Variants in COL11A1 observed in about 807,000 individuals in gnomAD.
COL11A1 encodes collagen alpha-1(XI) chain.
COL11A1 carries 74 observed loss-of-function variants against 265.2 expected under a neutral mutation model. The ratio of observed to expected loss-of-function variants is 0.28; its 90% CI spans 0.23 to 0.34. The LOEUF (loss-of-function observed/expected upper bound fraction) is 0.34. Among genes scored for constraint, COL11A1 ranks in the 10% least tolerant of loss-of-function variants. The pLI, the probability that COL11A1 is intolerant of heterozygous loss-of-function variation, is 1.00. For missense variants in COL11A1, 2,165 were observed against 2,263.6 expected, an observed-to-expected ratio of 0.96 and a Z score of 0.88; for synonymous variants, 816 against 727.6, an observed-to-expected ratio of 1.12 and a Z score of -1.96.
chr1:102,979,599 T>G, intron 31 of COL11A1, 164 bp from the exon 32 acceptor site: 1 of 704,620 alleles, frequency 1.4e-6, no homozygotes, highest in South Asian at 1.5e-5. Flanking sequence ...GAACTTACAA[T>G]GACATCTGAA....
chr1:103,064,689 C>T (rs1241014268), intron 4 of COL11A1, among the ~76,000 whole-genome samples: 1 of 42,850 alleles, frequency 2.3e-5, no homozygotes, highest in East Asian at 7.2e-4. Context: ...GACTCCATCT[C>T]AAAAAAAAAA....
intron 4 of COL11A1, among the ~76,000 whole-genome samples, chr1:103,052,199 CT>C (rs1558001619): frequency 1.3e-5 from 2 of 151,796 alleles, no homozygotes; most frequent in Non-Finnish European, 2.9e-5. Flanking sequence ...TTCATGTTTT[CT>C]TTTTTTTAAG....
At chr1:102,894,129 A>G (rs1474531045) in intron 57 of COL11A1, among the ~76,000 whole-genome samples, 1 of 152,222 alleles carries the variant, frequency 6.6e-6, no homozygotes, top group Non-Finnish European at 1.5e-5. Context: ...GACAGATGTT[A>G]ATTCTGACTT....
intron 25 of COL11A1, 138 bp from the exon 26 acceptor site, chr1:102,997,262 G>C (rs1218168538): frequency 6.2e-6 from 5 of 806,594 alleles, no homozygotes; most frequent in Non-Finnish European, 1.1e-5. Flanking sequence ...TTTTGCATCA[G>C]TGTGTATGGC....
Position 102,936,672 on chromosome 1 carries a change from A to G in COL11A1, c.3439-1559T>C, listed in dbSNP as rs189272009. ...ACACTTTGAGGACCTTACCCAGGAA[A>G]TCAATAATTTCCAAATTATCAATGA... On this transcript the variant is annotated intron_variant, in intron 44 of 66. Transcript: ENST00000370096. Among the ~76,000 whole-genome samples, 709 of 152,308 alleles carry G rather than the reference A, an allele frequency of 4.7e-3. 10 individuals carry two copies. Among genetic ancestry groups the G allele is most frequent in the African/African-American group, 0.017 (689 of 41,572 alleles).
intron 54 of COL11A1, among the ~76,000 whole-genome samples, chr1:102,901,539 G>A (rs8179334): frequency 0.12 from 18,074 of 151,908 alleles, 1,227 homozygotes; most frequent in East Asian, 0.22. Context: ...GAATGCCTAC[G>A]GACAAATTGT....
intron 38 of COL11A1, among the ~76,000 whole-genome samples, chr1:102,964,102 G>A (rs2101585927): frequency 6.6e-6 from 1 of 151,912 alleles, no homozygotes; most frequent in African/African-American, 2.4e-5. Context: ...AGAGGGGAAC[G>A]AAAAAAGAAC....
chr1:103,037,177 G>T (rs990522197), intron 4 of COL11A1, among the ~76,000 whole-genome samples: 1 of 149,570 alleles, frequency 6.7e-6, no homozygotes, highest in Admixed American at 6.7e-5. Context: ...ATAAGGCATA[G>T]CTGTTTCAAT....
intron 59 of COL11A1, 91 bp downstream of exon 59, chr1:102,889,364 T>G (rs531716806): frequency 5.9e-6 from 5 of 845,354 alleles, no homozygotes; most frequent in Non-Finnish European, 9.7e-6. Flanking sequence ...AAATTCTTTC[T>G]TTGATCATAC....
intron 4 of COL11A1, among the ~76,000 whole-genome samples, chr1:103,032,700 CTT>C (rs1410919956): frequency 1.3e-4 from 20 of 151,960 alleles, no homozygotes; most frequent in African/African-American, 4.8e-4. Flanking sequence ...GTGGTTGGCA[CTT>C]ATTTTTATTT....
chr1:102,885,441 C>G (rs1459835794), intron 63 of COL11A1, among the ~76,000 whole-genome samples: 4 of 152,054 alleles, frequency 2.6e-5, no homozygotes, highest in Admixed American at 6.6e-5. Flanking sequence ...AATTGCTTAT[C>G]TTGGTGCTGG....
intron 42 of COL11A1, among the ~76,000 whole-genome samples, chr1:102,942,651 T>C (rs2101342612): frequency 6.6e-6 from 1 of 152,240 alleles, no homozygotes; most frequent in South Asian, 2.1e-4. Context: ...GTCTTATATT[T>C]AACCTATACT....
chr1:102,945,213 G>T (rs188343400), intron 42 of COL11A1, among the ~76,000 whole-genome samples: 1 of 151,090 alleles, frequency 6.6e-6, no homozygotes, highest in East Asian at 2.0e-4. Flanking sequence ...GCATTAGTGG[G>T]TTCATTAAAA....
chr1:102,980,319 A>C (rs541164954), intron 31 of COL11A1, among the ~76,000 whole-genome samples: 1 of 152,258 alleles, frequency 6.6e-6, no homozygotes, highest in South Asian at 2.1e-4. Flanking sequence ...GGAATACAAT[A>C]TAATCCCCAA....
In COL11A1 at chr1:102,929,949, G is replaced by A. The variant is rs1420355294; in HGVS notation, c.3600+4500C>T. The stretch of plus-strand genomic sequence containing the variant: ...TTTTAGTACATTGATTTTGTATCCT[G>A]AGACTTTGCTAAAGTTGCTTATCAG... On this transcript the variant is annotated intron_variant, in intron 46 of 66. Coordinates refer to ENST00000370096, the MANE Select transcript of COL11A1 (RefSeq NM_001854.4). Among the ~76,000 whole-genome samples, 3 of 152,308 alleles carry A rather than the reference G, an allele frequency of 2.0e-5. No individual in the cohort carries two copies. In the East Asian group the frequency reaches 5.8e-4, roughly 29 times the overall value.
chr1:102,937,894 T>C (rs1658315904), intron 44 of COL11A1, among the ~76,000 whole-genome samples: 1 of 152,200 alleles, frequency 6.6e-6, no homozygotes, highest in South Asian at 2.1e-4. Context: ...GTATAGTCAA[T>C]ACTAACTGCA....
intron 4 of COL11A1, among the ~76,000 whole-genome samples, chr1:103,058,175 A>G (rs1057448549): frequency 1.3e-5 from 2 of 152,160 alleles, no homozygotes; most frequent in African/African-American, 4.8e-5. Flanking sequence ...TGCACTTTAT[A>G]TTGTGAAGAC....
intron 1 of COL11A1, among the ~76,000 whole-genome samples, chr1:103,092,434 A>C (rs1336891572): frequency 6.6e-6 from 1 of 152,152 alleles, no homozygotes; most frequent in Admixed American, 6.6e-5. Flanking sequence ...AATAAAGTAT[A>C]AAAAGTCAAA....
intron 41 of COL11A1, among the ~76,000 whole-genome samples, chr1:102,958,540 T>C (rs1660588785): frequency 6.6e-6 from 1 of 152,178 alleles, no homozygotes; most frequent in African/African-American, 2.4e-5. Context: ...TCAGCACTTG[T>C]TATGAACTGA....
Sources: allele counts gnomAD v4.1 joint callset (sites outside exome capture counted in the v4.1 genomes callset), GRCh38; gene constraint gnomAD v4.1.1; transcripts MANE v1.5; gene names NCBI Gene and HGNC (gene_info 2026-07-23, HGNC 2026-07-21).